Variants in CEMP1 observed in about 807,000 individuals in gnomAD.
The protein encoded by CEMP1 is cementoblastoma-derived protein 1.
For missense variants in CEMP1, 387 were observed against 316.9 expected (o/e 1.22, Z -1.68); for synonymous variants, 161 against 128.6 (o/e 1.25, Z -1.71).
rs754013499 is a variant in CEMP1 at position 2,530,532 on chromosome 16, TTCTC to T, written c.143-188_143-185del. On this transcript the variant is annotated intron_variant, in intron 1 of 1. Transcript: ENST00000565480. ...CACGTCAGGGGTGATTGTCTTGACT[TTCTC>T]TCCATTTGAGTTCTGGGGTGGGTGG... 6.2e-6 allele frequency: 10 copies of T among 1,614,184 alleles called. No homozygotes were observed. In the East Asian group the frequency reaches 1.6e-4, roughly 25 times the overall value.
In CEMP1 at chr16:2,530,934, G is replaced by T; in HGVS notation, c.140C>A (p.Ala47Glu). The T allele has an allele frequency of 1.2e-6, 2 of 1,613,510 alleles. No individual in the cohort carries two copies. The highest frequency in any genetic ancestry group is 1.7e-6 in the Non-Finnish European group (2 of 1,179,988). Residue 47 changes from alanine to glutamate, a missense_variant, in exon 1 of 1, where the codon GCA becomes GAA. Ala to Glu is a moderately radical substitution (Grantham distance 107). Coordinates refer to ENST00000567119, the MANE Select transcript of CEMP1 (RefSeq NM_001048212.3). ...CTTAGGAAGTGGCTGTCCAGCGCCTGCCTGTGCTGGGCCTGGGAGAGGAGC... is the reference window on the plus strand; with the variant it reads ...CTTAGGAAGTGGCTGTCCAGCGCCTTCCTGTGCTGGGCCTGGGAGAGGAGC... ...KTAPLPGPAQ[A>E]GAGQPLPKGC...
Position 2,530,283 on chromosome 16 carries a change from C to G in CEMP1, c.*47G>C. 1 of 1,613,368 alleles carries G rather than the reference C, an allele frequency of 6.2e-7. No homozygotes were observed. Among genetic ancestry groups the G allele is most frequent in the Non-Finnish European group, 8.5e-7 (1 of 1,179,756 alleles). On this transcript the variant is annotated 3_prime_UTR_variant, in exon 1 of 1. Transcript: ENST00000567119. ...CCCAGTGCTTGCCGGCTGTGGTGAC[C>G]CTGCCTGGTGCTGGAGGGCAGTATG...
chr16:2,530,699 C>T lies in CEMP1; in HGVS notation c.375G>A (p.Gly125=), dbSNP rs770459186. Residue 125 remains glycine, a synonymous_variant, in exon 1 of 1, where the codon GGG becomes GGA. Coordinates refer to ENST00000567119, the MANE Select transcript of CEMP1 (RefSeq NM_001048212.3). ...FFPGCSLPTG[G]AQTILSLWTW... ...TCCAAAGAGATAGGATGGTCTGGGC[C>T]CCACCTGTTGGAAGGGAACAGCCAG... 4 of 1,614,068 alleles carry T rather than the reference C, an allele frequency of 2.5e-6. No individual in the cohort carries two copies. Among genetic ancestry groups the T allele is most frequent in the Non-Finnish European group, 2.5e-6 (3 of 1,180,010 alleles).
At position 2,530,793 on chromosome 16, in the gene CEMP1, C is replaced by T. The variant is rs779553383; in HGVS notation, c.281G>A (p.Arg94Lys). 17 of 1,613,560 alleles carry T rather than the reference C, an allele frequency of 1.1e-5. No homozygotes were observed. Among genetic ancestry groups the T allele is most frequent in the Non-Finnish European group, 1.4e-5 (17 of 1,179,974 alleles). ...CTGGGGCAGGGCACAAGGGGTTGAT[C>T]TCAGCCCACAAGCCCCAGGGGCAGC... ...SWAAPGACGL[R>K]STPCALPQAL... The change falls in exon 1 of 1, where the codon AGA (arginine) becomes AAA (lysine). Residue 94 changes from arginine to lysine, a missense_variant. Coordinates refer to ENST00000567119, the MANE Select transcript of CEMP1 (RefSeq NM_001048212.3).
chr16:2,531,018 G>C lies in CEMP1; in HGVS notation c.56C>G (p.Ser19Cys), dbSNP rs201463378. Reference sequence around the variant, plus strand: ...GGTGAGGTTCTCAGCCGATGTGTTAGAGGTTGAGCATCGCCTGTGCCCAGC... The same window carrying C: ...GGTGAGGTTCTCAGCCGATGTGTTACAGGTTGAGCATCGCCTGTGCCCAGC... ...QQAGHRRCST[S>C]NTSAENLTCL... is the part of the protein sequence containing the mutation. Residue 19 changes from serine (S) to cysteine (C), a missense_variant, in exon 1 of 1, where the codon TCT becomes TGT. Transcript: ENST00000567119. The C allele has an allele frequency of 1.2e-6, 2 of 1,607,024 alleles. No homozygotes were observed. The highest frequency in any genetic ancestry group is 1.3e-5 in the African/African-American group (1 of 74,908).
In CEMP1 at chr16:2,530,475, G is replaced by A; in HGVS notation, c.599C>T (p.Thr200Ile). ...GLHQSLTSDPTVAVLRAKRAP... is the reference protein window; with the variant it reads ...GLHQSLTSDPIVAVLRAKRAP... The stretch of plus-strand genomic sequence containing the variant: ...CCTCTTGGCTCTGAGGACAGCCACA[G>A]TGGGGTCAGACGTCAGGGATTGGTG... Residue 200 changes from threonine (T) to isoleucine (I), a missense_variant, in exon 1 of 1, where the codon ACT (threonine) becomes ATT (isoleucine). Coordinates refer to ENST00000567119, the MANE Select transcript of CEMP1 (RefSeq NM_001048212.3). 1 of 1,614,182 alleles carries A rather than the reference G, an allele frequency of 6.2e-7. No homozygotes were observed. Among genetic ancestry groups the A allele is most frequent in the Non-Finnish European group, 8.5e-7 (1 of 1,180,018 alleles).
At position 2,531,364 on chromosome 16, in the gene CEMP1, T is replaced by C. The variant is rs923940785; in HGVS notation, c.-291A>G. On this transcript the variant is annotated 5_prime_UTR_variant, in exon 1 of 1. Coordinates refer to ENST00000567119, the MANE Select transcript of CEMP1 (RefSeq NM_001048212.3). ...TGGGGGAAGCACTCTTGGTTGGTTT[T>C]GGTTTGCTTTTTAAAAATTGTGGTA... 6 of 508,124 alleles carry C rather than the reference T, an allele frequency of 1.2e-5. No homozygotes were observed. The highest frequency in any genetic ancestry group is 1.1e-4 in the African/African-American group (6 of 52,570). 31.5% of individuals were successfully genotyped at this position (508,124 alleles called of 1,614,324 possible).
rs1567135392 is a variant in CEMP1, at chr16:2,530,932, C to T, written c.142G>A (p.Gly48Ser). The change falls in exon 1 of 1, where the codon GGC (glycine) becomes AGC (serine). Residue 48 changes from glycine (G) to serine (S), a missense_variant. Transcript: ENST00000567119. ...TAPLPGPAQA[G>S]AGQPLPKGCA... ...CCCTTAGGAAGTGGCTGTCCAGCGC[C>T]TGCCTGTGCTGGGCCTGGGAGAGGA... 1.9e-6 allele frequency: 3 copies of T among 1,613,518 alleles called. No individual in the cohort carries two copies. Among genetic ancestry groups the T allele is most frequent in the Non-Finnish European group, 2.5e-6 (3 of 1,180,000 alleles).
In CEMP1 at chr16:2,531,132, G is replaced by C; in HGVS notation, c.-59C>G. On this transcript the variant is annotated 5_prime_UTR_variant, in exon 1 of 1. Coordinates refer to ENST00000567119, the MANE Select transcript of CEMP1 (RefSeq NM_001048212.3). ...ATCCCCACCTCAGACGGGACGCCCA[G>C]TCCAGAGCTGGTGAGCCCTGGGCCA... is the stretch of plus-strand genomic sequence containing the variant. 1 of 1,522,198 alleles carries C rather than the reference G, an allele frequency of 6.6e-7. No individual in the cohort carries two copies. Among genetic ancestry groups the C allele is most frequent in the Non-Finnish European group, 8.9e-7 (1 of 1,124,788 alleles). 94.3% of individuals were successfully genotyped at this position (1,522,198 alleles called of 1,614,324 possible). A position where few individuals can be genotyped will look rare whatever the true frequency, so the allele number is the denominator to read the frequency against.
At chr16:2,530,378 GCACA>G (rs772769286) in intron 1 of CEMP1, 1 of 1,614,154 alleles carries the variant, frequency 6.2e-7, no homozygotes, top group Non-Finnish European at 8.5e-7. Flanking sequence ...CTTGGCCCTG[GCACA>G]CACCCATGTG....
rs1390144276 is a variant in CEMP1, at chr16:2,531,070, C to T, written c.4G>A (p.Gly2Ser). Residue 2 changes from glycine (G) to serine (S), a missense_variant, in exon 1 of 1, where the codon GGC becomes AGC. Transcript: ENST00000567119. ...TGCTGGCTGTCAGTGCTTGATGTGC[C>T]CATCCTCAGCTAAAACCCAGAGCTG... MGTSSTDSQQAG... is the reference protein window; with the variant it reads MSTSSTDSQQAG... The T allele has an allele frequency of 6.3e-7, 1 of 1,585,724 alleles. No individual in the cohort carries two copies.
chr16:2,530,132 C>G lies in CEMP1; in HGVS notation c.*198G>C. 2.2e-6 allele frequency: 3 copies of G among 1,369,814 alleles called. No homozygotes were observed. Among genetic ancestry groups the G allele is most frequent in the African/African-American group, 1.5e-5 (1 of 68,516 alleles). The allele number at this position is 1,369,814 out of a possible 1,614,324, so 84.9% of individuals were successfully genotyped here. Reference sequence around the variant, plus strand: ...AGTGCCAGGGGCTCCGCTCTGACCTCCAGGAGGGAGACTGGGCCCGGGACC... The same window carrying G: ...AGTGCCAGGGGCTCCGCTCTGACCTGCAGGAGGGAGACTGGGCCCGGGACC... On this transcript the variant is annotated 3_prime_UTR_variant, in exon 1 of 1. Transcript: ENST00000567119.
At position 2,531,294 on chromosome 16, in the gene CEMP1, A is replaced by G; in HGVS notation, c.-221T>C. 1 of 581,366 alleles carries G rather than the reference A, an allele frequency of 1.7e-6. No homozygotes were observed. The highest frequency in any genetic ancestry group is 2.6e-5 in the South Asian group (1 of 38,860). The allele number at this position is 581,366 out of a possible 1,614,324, so 36.0% of individuals were successfully genotyped here. On this transcript the variant is annotated 5_prime_UTR_variant, in exon 1 of 1. Transcript: ENST00000567119. ...GGGAGAGGGGCCCAGGGTCAGGGTG[A>G]GAGAGAGCTGGGCCAGGGAGCTGCT...
In CEMP1 at chr16:2,531,352, C is replaced by G. The variant is rs977301623; in HGVS notation, c.-279G>C. The stretch of plus-strand genomic sequence containing the variant: ...GATTTTGAGGTGTGGGGGAAGCACT[C>G]TTGGTTGGTTTTGGTTTGCTTTTTA... On this transcript the variant is annotated 5_prime_UTR_variant, in exon 1 of 1. Coordinates refer to ENST00000567119, the MANE Select transcript of CEMP1 (RefSeq NM_001048212.3). 1 of 513,958 alleles carries G rather than the reference C, an allele frequency of 1.9e-6. No individual in the cohort carries two copies. Among genetic ancestry groups the G allele is most frequent in the Non-Finnish European group, 3.6e-6 (1 of 281,532 alleles). 31.8% of individuals were successfully genotyped at this position (513,958 alleles called of 1,614,324 possible). A position where few individuals can be genotyped will look rare whatever the true frequency, so the allele number is the denominator to read the frequency against.
Position 2,530,488 on chromosome 16 carries a change from T to C in CEMP1, c.586A>G (p.Thr196Ala), listed in dbSNP as rs982709244. The change falls in exon 1 of 1, where the codon ACG (threonine) becomes GCG (alanine). Residue 196 changes from threonine (T) to alanine (A), a missense_variant. By Grantham distance (58) the Thr-to-Ala change is moderately conservative. Coordinates refer to ENST00000567119, the MANE Select transcript of CEMP1 (RefSeq NM_001048212.3). The part of the protein sequence containing the change: ...TPDVGLHQSL[T>A]SDPTVAVLRA... ...AGGACAGCCACAGTGGGGTCAGACG[T>C]CAGGGATTGGTGCAGCCCCACGTCA... The C allele has an allele frequency of 6.2e-7, 1 of 1,613,962 alleles. No homozygotes were observed. The highest frequency in any genetic ancestry group is 8.5e-7 in the Non-Finnish European group (1 of 1,179,972).
rs139970822 is a variant in CEMP1, at chr16:2,530,122, G to C, written c.*208C>G. 2 of 1,312,426 alleles carry C rather than the reference G, an allele frequency of 1.5e-6. No individual in the cohort carries two copies. Among genetic ancestry groups the C allele is most frequent in the South Asian group, 3.0e-5 (2 of 67,270 alleles). The allele number at this position is 1,312,426 out of a possible 1,614,324, so 81.3% of individuals were successfully genotyped here. On this transcript the variant is annotated 3_prime_UTR_variant, in exon 1 of 1. Coordinates refer to ENST00000567119, the MANE Select transcript of CEMP1 (RefSeq NM_001048212.3). ...GCCAGGGCACAGTGCCAGGGGCTCC[G>C]CTCTGACCTCCAGGAGGGAGACTGG...
rs2066086637 is a variant in CEMP1 at position 2,530,969 on chromosome 16, A to G, written c.105T>C (p.Pro35=). Reference sequence around the variant, plus strand: ...GGCCTGGGAGAGGAGCTGTCTTGCCAGGGCTCCCAGGCAGGGAGAGGCAGG... The same window carrying G: ...GGCCTGGGAGAGGAGCTGTCTTGCCGGGGCTCCCAGGCAGGGAGAGGCAGG... ...NLTCLSLPGS[P]GKTAPLPGPA... is the part of the protein sequence containing the mutation. The change falls in exon 1 of 1, where the codon CCT becomes CCC. Residue 35 remains proline (P), a synonymous_variant. Coordinates refer to ENST00000567119, the MANE Select transcript of CEMP1 (RefSeq NM_001048212.3). The G allele has an allele frequency of 6.2e-7, 1 of 1,613,388 alleles. No homozygotes were observed. The highest frequency in any genetic ancestry group is 2.2e-5 in the East Asian group (1 of 44,858).
chr16:2,530,249 A>G lies in CEMP1; in HGVS notation c.*81T>C, dbSNP rs755693378. 21 of 1,604,722 alleles carry G rather than the reference A, an allele frequency of 1.3e-5. No homozygotes were observed. The East Asian group carries it at 2.5e-4, about 19-fold the overall frequency. On this transcript the variant is annotated 3_prime_UTR_variant, in exon 1 of 1. Transcript: ENST00000567119. Reference sequence around the variant, plus strand: ...TCTCAATAACCCTATCTCTTCACACATCCCCAGGCCCAGTGCTTGCCGGCT... The same window carrying G: ...TCTCAATAACCCTATCTCTTCACACGTCCCCAGGCCCAGTGCTTGCCGGCT...
intron 1 of CEMP1, chr16:2,530,455 T>A: frequency 6.2e-7 from 1 of 1,614,150 alleles, no homozygotes; most frequent in Non-Finnish European, 8.5e-7. Context: ...GGAGCCCTCT[T>A]GGCTCTGAGG....
Sources: gnomAD v4.1 joint callset for allele counts on GRCh38, gnomAD v4.1.1 for gene constraint, MANE v1.5 for transcripts, NCBI Gene and HGNC (gene_info 2026-07-23, HGNC 2026-07-21) for gene names.